Variants in TDRD3 observed in about 807,000 individuals in gnomAD.
TDRD3 encodes the protein tudor domain containing 3.
Under a neutral mutation model 86.7 loss-of-function variants are expected in TDRD3, and 45 were observed. The observed-to-expected ratio is 0.52, with a 90% CI of 0.41 to 0.67. The LOEUF (loss-of-function observed/expected upper bound fraction) is 0.67, where lower values mean the gene tolerates loss of function less well. TDRD3 is among the 30% of genes least tolerant of loss of function. TDRD3 has a pLI of 0.00. For synonymous variants in TDRD3, 298 were observed against 301.7 expected, an observed-to-expected ratio of 0.99 and a Z score of 0.13; for missense variants, 814 against 889.0, an observed-to-expected ratio of 0.92 and a Z score of 1.07.
chr13:60,488,213 G>T (rs1395197543), intron 7 of TDRD3, among the ~76,000 whole-genome samples: 1 of 152,156 alleles, frequency 6.6e-6, no homozygotes, highest in African/African-American at 2.4e-5. Context: ...AAATCTATGT[G>T]CAGGAAAATA....
At chr13:60,421,429 C>T (rs1180656782) in intron 1 of TDRD3, among the ~76,000 whole-genome samples, 1 of 152,176 alleles carries the variant, frequency 6.6e-6, no homozygotes, top group East Asian at 1.9e-4. Flanking sequence ...TGGGTCCCTC[C>T]TGTGACACAT....
chr13:60,476,939 T>C (rs568895513), intron 5 of TDRD3, among the ~76,000 whole-genome samples: 1 of 152,272 alleles, frequency 6.6e-6, no homozygotes, highest in African/African-American at 2.4e-5. Flanking sequence ...TTATCGGCTC[T>C]AGAAGCCTTC....
intron 1 of TDRD3, among the ~76,000 whole-genome samples, chr13:60,423,760 A>C (rs1397247288): frequency 6.6e-6 from 1 of 152,200 alleles, no homozygotes; most frequent in Non-Finnish European, 1.5e-5. Flanking sequence ...TGACAGTGAC[A>C]CTTTATATCA....
intron 12 of TDRD3, among the ~76,000 whole-genome samples, chr13:60,538,383 AT>A (rs34945980): frequency 0.016 from 2,159 of 138,618 alleles, 40 homozygotes; most frequent in African/African-American, 0.042. Flanking sequence ...TTTCACCTGT[AT>A]TTTTTTTTTT....
chr13:60,414,636 A>G (rs1954448577), intron 1 of TDRD3, among the ~76,000 whole-genome samples: 1 of 152,152 alleles, frequency 6.6e-6, no homozygotes, highest in Non-Finnish European at 1.5e-5. Context: ...ATTTGTAGTG[A>G]CTAGTATGAA....
At chr13:60,402,949 A>G (rs972401633) in intron 1 of TDRD3, among the ~76,000 whole-genome samples, 9 of 152,104 alleles carry the variant, frequency 5.9e-5, no homozygotes, top group African/African-American at 2.2e-4. Context: ...ATTTGTAACT[A>G]TCTCTTTGGC....
intron 12 of TDRD3, among the ~76,000 whole-genome samples, chr13:60,547,039 A>C (rs897723450): frequency 5.1e-4 from 78 of 152,320 alleles, no homozygotes; most frequent in African/African-American, 1.8e-3. Context: ...ATTGAAAAAA[A>C]ATAATTTCAA....
chr13:60,417,217 G>A (rs1386757288), intron 1 of TDRD3, among the ~76,000 whole-genome samples: 1 of 151,860 alleles, frequency 6.6e-6, no homozygotes, highest in Non-Finnish European at 1.5e-5. Context: ...CTCTTGCTAT[G>A]TTGTCCAGGC....
At chr13:60,537,314 G>A (rs185021838) in intron 12 of TDRD3, 1 of 152,016 alleles carries the variant, frequency 6.6e-6, no homozygotes, top group Non-Finnish European at 1.5e-5. Context: ...AATTAACTTA[G>A]TTGAGAGAAA....
chr13:60,544,391 C>T (rs1157037522), intron 12 of TDRD3, among the ~76,000 whole-genome samples: 1 of 148,644 alleles, frequency 6.7e-6, no homozygotes, highest in Non-Finnish European at 1.5e-5. Context: ...TTGCAGTGAT[C>T]TATGACTGTA....
intron 8 of TDRD3, among the ~76,000 whole-genome samples, chr13:60,504,086 T>A (rs1302644932): frequency 1.3e-5 from 2 of 152,226 alleles, no homozygotes; most frequent in African/African-American, 4.8e-5. Context: ...AGATTAATTT[T>A]AAAAATTTTA....
chr13:60,485,752 T>C, intron 6 of TDRD3, 47 bp from the exon 7 acceptor site: 1 of 1,421,228 alleles, frequency 7.0e-7, no homozygotes, highest in Non-Finnish European at 9.3e-7. Flanking sequence ...AAAACTTGAA[T>C]CTCTTTTGGA....
At chr13:60,501,928 G>A (rs1158379227) in intron 8 of TDRD3, among the ~76,000 whole-genome samples, 1 of 152,066 alleles carries the variant, frequency 6.6e-6, no homozygotes, top group African/African-American at 2.4e-5. Context: ...CCTGCTATCA[G>A]GATAATAATT....
chr13:60,523,575 T>TC (rs1312768803), intron 10 of TDRD3, among the ~76,000 whole-genome samples: 1 of 78,152 alleles, frequency 1.3e-5, no homozygotes. Flanking sequence ...ACATTTTTCT[T>TC]TTTTTTTTTT....
chr13:60,483,232 T>C (rs1956356434), intron 5 of TDRD3, among the ~76,000 whole-genome samples: 1 of 152,138 alleles, frequency 6.6e-6, no homozygotes, highest in Non-Finnish European at 1.5e-5. Context: ...AAAATATGAA[T>C]TGTTTTGCAA....
In TDRD3 at chr13:60,485,852, A is replaced by C. The variant is rs562523196; in HGVS notation, c.621A>C (p.Thr207=). The C allele has an allele frequency of 6.2e-7, 1 of 1,610,746 alleles. No homozygotes were observed. Among genetic ancestry groups the C allele is most frequent in the African/African-American group, 1.3e-5 (1 of 74,862 alleles). Residue 207 remains threonine, a synonymous_variant, in exon 7 of 14, where the codon ACA becomes ACC. Transcript: ENST00000377881. Reference sequence around the variant, plus strand: ...GCAGAGAACTTGATCGAAGAAAAACATTGCAAGTTACAATGCCTGTCAAAC... The same window carrying C: ...GCAGAGAACTTGATCGAAGAAAAACCTTGCAAGTTACAATGCCTGTCAAAC... ...VDSRELDRRK[T]LQVTMPVKPT...
intron 4 of TDRD3, among the ~76,000 whole-genome samples, chr13:60,465,402 T>C (rs1303262585): frequency 6.6e-6 from 1 of 152,196 alleles, no homozygotes; most frequent in Non-Finnish European, 1.5e-5. Flanking sequence ...TCTTGAACGG[T>C]AATAGATGGT....
At chr13:60,495,800 G>A (rs927170573) in intron 8 of TDRD3, among the ~76,000 whole-genome samples, 2 of 152,100 alleles carry the variant, frequency 1.3e-5, no homozygotes, top group African/African-American at 2.4e-5. Context: ...GTTGGTGGGT[G>A]GGGGAAGCCA....
intron 12 of TDRD3, among the ~76,000 whole-genome samples, chr13:60,541,792 A>G (rs1011521461): frequency 7.5e-6 from 1 of 132,702 alleles, no homozygotes; most frequent in African/African-American, 2.8e-5. Flanking sequence ...CAATGGCACA[A>G]TCTCGGCTCA....
Sources: allele counts gnomAD v4.1 joint callset (sites outside exome capture counted in the v4.1 genomes callset), GRCh38; gene constraint gnomAD v4.1.1; transcripts MANE v1.5; gene names NCBI Gene and HGNC (gene_info 2026-07-23, HGNC 2026-07-21).